Variants in SFMBT1 observed in about 807,000 individuals in gnomAD.
SFMBT1 encodes the protein Scm like with four mbt domains 1, also known as scm-like with four MBT domains protein 1.
Under a neutral mutation model 108.7 loss-of-function variants are expected in SFMBT1, and 32 were observed. That is an observed-to-expected ratio of 0.29 (90% confidence interval 0.22 to 0.40). The LOEUF (loss-of-function observed/expected upper bound fraction) is 0.40. SFMBT1 is among the 10% of genes least tolerant of loss of function. The pLI is 1.00. For synonymous variants in SFMBT1, 348 were observed against 369.5 expected (o/e 0.94, Z 0.67); for missense variants, 816 against 1,059.6 (o/e 0.77, Z 3.19).
At chr3:53,040,075 A>G (rs879306354) in intron 1 of SFMBT1, among the ~76,000 whole-genome samples, 2 of 152,172 alleles carry the variant, frequency 1.3e-5, no homozygotes, top group East Asian at 1.9e-4. Flanking sequence ...TAACACAGAA[A>G]AAGCATATTT....
At chr3:52,984,360 A>AT (rs1704829453) in intron 1 of SFMBT1, among the ~76,000 whole-genome samples, 1 of 152,082 alleles carries the variant, frequency 6.6e-6, no homozygotes, top group African/African-American at 2.4e-5. Flanking sequence ...TTTGAACATC[A>AT]TAAAAAACTT....
chr3:52,947,836 G>A (rs981093752), intron 3 of SFMBT1, among the ~76,000 whole-genome samples: 1 of 151,866 alleles, frequency 6.6e-6, no homozygotes, highest in Non-Finnish European at 1.5e-5. Context: ...CCGGGCTCAA[G>A]TGATTCTCCT....
chr3:52,932,460 T>TA lies in SFMBT1; in HGVS notation c.454-153dup. 10 of 723,296 alleles carry TA rather than the reference T, an allele frequency of 1.4e-5. 3 individuals are homozygous for TA. The highest frequency in any genetic ancestry group is 1.6e-5 in the Non-Finnish European group (7 of 450,272). The allele number at this position is 723,296 out of a possible 1,614,324, so 44.8% of individuals were successfully genotyped here. ...ATTGTCTATCATCATACAAGCCTCT[T>TA]ACAGTATTATTTCTAGGAGATATGA... On this transcript the variant is annotated intron_variant, in intron 5 of 20. Transcript: ENST00000394752.
chr3:52,998,691 T>C (rs529593766), intron 1 of SFMBT1, among the ~76,000 whole-genome samples: 62 of 150,694 alleles, frequency 4.1e-4, no homozygotes, highest in African/African-American at 1.5e-3. Context: ...CTCCTCGCCA[T>C]CTCGGCAGTT....
chr3:53,030,683 C>CAAAAAAAAAAAAAA (rs10668462), intron 1 of SFMBT1, among the ~76,000 whole-genome samples: 1 of 82,770 alleles, frequency 1.2e-5, no homozygotes, highest in African/African-American at 3.9e-5. Context: ...GGCCATAATG[C>CAAAAAAAAAAAAAA]AAAAAAAAAA....
intron 3 of SFMBT1, among the ~76,000 whole-genome samples, chr3:52,948,883 C>T (rs1703473401): frequency 3.2e-5 from 1 of 31,656 alleles, no homozygotes; most frequent in Admixed American, 4.1e-4. Context: ...AGGCTGGTCT[C>T]GCATTCCTGG....
At chr3:52,912,025 A>T (rs981080147) in intron 16 of SFMBT1, among the ~76,000 whole-genome samples, 3 of 152,154 alleles carry the variant, frequency 2.0e-5, no homozygotes, top group Non-Finnish European at 4.4e-5. Context: ...CTTATAATTC[A>T]TTCTATCATA....
Position 52,926,492 on chromosome 3 carries a change from G to A in SFMBT1, c.1049-379C>T, listed in dbSNP as rs1042351671. 4.6e-5 allele frequency among the ~76,000 whole-genome samples: 7 copies of A among 152,186 alleles called. No individual in the cohort carries two copies. In the South Asian group the frequency reaches 1.0e-3, roughly 23 times the overall value. On this transcript the variant is annotated intron_variant, in intron 9 of 20. Transcript: ENST00000394752. The stretch of plus-strand genomic sequence containing the variant: ...CTTATTGTCAATTCTAAAGGGACTC[G>A]GGCTCTCAAGGAAAAGAGACAGCAA...
chr3:52,964,597 A>G (rs911320964), intron 2 of SFMBT1, among the ~76,000 whole-genome samples: 1 of 152,202 alleles, frequency 6.6e-6, no homozygotes, highest in African/African-American at 2.4e-5. Flanking sequence ...CCTAGTATCA[A>G]ATTAGCACTC....
intron 1 of SFMBT1, among the ~76,000 whole-genome samples, chr3:52,985,538 C>T (rs1704874688): frequency 6.6e-6 from 1 of 152,150 alleles, no homozygotes; most frequent in Non-Finnish European, 1.5e-5. Context: ...TTCTGCTTAA[C>T]TCATACAATG....
At chr3:52,977,620 T>A (rs950651883) in intron 1 of SFMBT1, among the ~76,000 whole-genome samples, 1 of 152,194 alleles carries the variant, frequency 6.6e-6, no homozygotes, top group Non-Finnish European at 1.5e-5. Flanking sequence ...TTAGTAAGCA[T>A]AAAGTTCATG....
chr3:52,987,006 T>G (rs1276555472), intron 1 of SFMBT1, among the ~76,000 whole-genome samples: 1 of 152,180 alleles, frequency 6.6e-6, no homozygotes, highest in Non-Finnish European at 1.5e-5. Flanking sequence ...TTTATTTACT[T>G]GTTAAAACTT....
Position 53,013,997 on chromosome 3 carries a change from C to T in SFMBT1, c.-131+31819G>A, listed in dbSNP as rs186704392. Among the ~76,000 whole-genome samples, 691 of 152,200 alleles carry T rather than the reference C, an allele frequency of 4.5e-3. 4 individuals carry two copies. Among genetic ancestry groups the T allele is most frequent in the Non-Finnish European group, 8.0e-3 (546 of 68,012 alleles). ...AAGAGAGCTGACACTTAGTGCTTAC[C>T]GCACTAGGCACCATGTGATATGATA... On this transcript the variant is annotated intron_variant, in intron 1 of 20. Coordinates refer to ENST00000394752, the MANE Select transcript of SFMBT1 (RefSeq NM_016329.4).
At chr3:52,973,312 T>C (rs576355744) in intron 1 of SFMBT1, among the ~76,000 whole-genome samples, 56 of 152,324 alleles carry the variant, frequency 3.7e-4, no homozygotes, top group African/African-American at 1.3e-3. Flanking sequence ...TTTAATACTT[T>C]AGTGAACTAA....
intron 1 of SFMBT1, among the ~76,000 whole-genome samples, chr3:52,986,000 C>A (rs780057456): frequency 1.3e-5 from 2 of 151,630 alleles, no homozygotes. Context: ...AAAATTAGCT[C>A]GGTGTGGTAG....
In SFMBT1 at chr3:52,995,922, A is replaced by G. The variant is rs1024311150; in HGVS notation, c.-130-26664T>C. ...CCCCGTCTCTACTAAAAATACAAAAATTAGCCAGGACAGTGGTATGTGCCT... is the reference window on the plus strand; with the variant it reads ...CCCCGTCTCTACTAAAAATACAAAAGTTAGCCAGGACAGTGGTATGTGCCT... On this transcript the variant is annotated intron_variant, in intron 1 of 20. Transcript: ENST00000394752. Among the ~76,000 whole-genome samples, 4 of 149,000 alleles carry G rather than the reference A, an allele frequency of 2.7e-5. 1 individual carries two copies. The highest frequency in any genetic ancestry group is 7.3e-5 in the African/African-American group (3 of 41,136).
At chr3:53,023,745 G>A (rs1472063742) in intron 1 of SFMBT1, among the ~76,000 whole-genome samples, 2 of 152,190 alleles carry the variant, frequency 1.3e-5, no homozygotes, top group Non-Finnish European at 2.9e-5. Flanking sequence ...GCTCTGGTTT[G>A]TAGGCACCTT....
At chr3:53,034,070 C>CAA (rs1699781435) in intron 1 of SFMBT1, among the ~76,000 whole-genome samples, 8 of 68,282 alleles carry the variant, frequency 1.2e-4, no homozygotes, top group African/African-American at 3.3e-4. Context: ...AACTCTGTCT[C>CAA]CAAAAAAAAA....
At chr3:53,039,455 G>A (rs1420619726) in intron 1 of SFMBT1, among the ~76,000 whole-genome samples, 2 of 152,166 alleles carry the variant, frequency 1.3e-5, no homozygotes. Context: ...TGTCTAGGGT[G>A]GGAGGAGGGG....
Sources: gnomAD v4.1 joint callset for allele counts (sites outside exome capture counted in the v4.1 genomes callset) on GRCh38, gnomAD v4.1.1 for gene constraint, MANE v1.5 for transcripts, NCBI Gene and HGNC (gene_info 2026-07-23, HGNC 2026-07-21) for gene names.